Variants in PLEKHA5 observed in about 807,000 individuals in gnomAD.
PLEKHA5 encodes pleckstrin homology domain-containing family A member 5.
In PLEKHA5, 55 loss-of-function variants were observed where a neutral mutation model predicts 181.9. The ratio of observed to expected loss-of-function variants is 0.30; its 90% CI spans 0.24 to 0.38. PLEKHA5 has a LOEUF of 0.38. Among genes scored for constraint, PLEKHA5 ranks in the 10% least tolerant of loss-of-function variants. The pLI is 1.00. For missense variants in PLEKHA5, 1,432 were observed against 1,549.5 expected, an observed-to-expected ratio of 0.92 and a Z score of 1.27; for synonymous variants, 535 against 529.4, an observed-to-expected ratio of 1.01 and a Z score of -0.15.
At chr12:19,374,586 G>C (rs2095666577) in intron 31 of PLEKHA5, among the ~76,000 whole-genome samples, 1 of 151,788 alleles carries the variant, frequency 6.6e-6, no homozygotes, top group African/African-American at 2.4e-5. Context: ...TTGAACCCGG[G>C]AGGTGGAGGT....
intron 7 of PLEKHA5, among the ~76,000 whole-genome samples, chr12:19,262,928 A>C (rs1421482118): frequency 6.6e-6 from 1 of 152,186 alleles, no homozygotes; most frequent in East Asian, 1.9e-4. Context: ...GAGATTCCTT[A>C]TTATTAACCA....
chr12:19,289,436 G>C (rs1673021511), intron 13 of PLEKHA5, among the ~76,000 whole-genome samples: 1 of 152,164 alleles, frequency 6.6e-6, no homozygotes, highest in Non-Finnish European at 1.5e-5. Flanking sequence ...CTGTCGTGTA[G>C]GCAAAACAAA....
intron 3 of PLEKHA5, among the ~76,000 whole-genome samples, chr12:19,202,766 C>A (rs1368198016): frequency 6.6e-6 from 1 of 152,092 alleles, no homozygotes; most frequent in East Asian, 1.9e-4. Flanking sequence ...CTCTCATTCC[C>A]TCCCTTTGGT....
intron 3 of PLEKHA5, among the ~76,000 whole-genome samples, chr12:19,165,689 T>C (rs1188904196): frequency 6.6e-6 from 1 of 152,188 alleles, no homozygotes; most frequent in African/African-American, 2.4e-5. Context: ...GAAGTTTCTC[T>C]GTAGGATTCA....
At chr12:19,163,926 C>T (rs977784621) in intron 3 of PLEKHA5, among the ~76,000 whole-genome samples, 9 of 152,124 alleles carry the variant, frequency 5.9e-5, no homozygotes, top group Non-Finnish European at 1.2e-4. Context: ...CAACCAAACT[C>T]AGAATTTTCT....
chr12:19,137,045 CT>C (rs879741090), intron 3 of PLEKHA5, among the ~76,000 whole-genome samples: 199 of 147,612 alleles, frequency 1.3e-3, no homozygotes, highest in African/African-American at 3.6e-3. Flanking sequence ...TTATACTTTA[CT>C]TTTTTTTTTT....
chr12:19,287,192 C>T (rs779299003), intron 12 of PLEKHA5, among the ~76,000 whole-genome samples: 1 of 151,966 alleles, frequency 6.6e-6, no homozygotes, highest in Non-Finnish European at 1.5e-5. Context: ...AGAGAAAGGA[C>T]AGGGTTTCAC....
chr12:19,361,583 T>TA lies in PLEKHA5; in HGVS notation c.3493dup (p.Thr1165AsnfsTer2). On this transcript the variant is annotated frameshift_variant and splice_region_variant, in exon 29 of 32. Transcript: ENST00000429027. LOFTEE classifies it high-confidence loss of function. ...AAAATTTTTCTTTTTATTCTACAGT[T>TA]AAAAAAAACTGAAAACATTTCATAT... 1.2e-4 allele frequency: 179 copies of TA among 1,448,738 alleles called. No individual in the cohort carries two copies. The highest frequency in any genetic ancestry group is 1.8e-4 in the Middle Eastern group (1 of 5,570). The allele number at this position is 1,448,738 out of a possible 1,614,324, so 89.7% of individuals were successfully genotyped here. A position where few individuals can be genotyped will look rare whatever the true frequency, so the allele number is the denominator to read the frequency against.
rs372001417 is a variant in PLEKHA5, at chr12:19,321,406, C to G, written c.2217+782C>G. Among the ~76,000 whole-genome samples, 10 of 124,064 alleles carry G rather than the reference C, an allele frequency of 8.1e-5. No individual in the cohort carries two copies. The East Asian group carries it at 1.2e-3, about 15-fold the overall frequency. 81.4% of individuals were successfully genotyped at this position (124,064 alleles called of 152,430 possible). A position where few individuals can be genotyped will look rare whatever the true frequency, so the allele number is the denominator to read the frequency against. ...TGAGTCAGGGTCTCTCTCTGTCACC[C>G]GGGTTGGAGTGCAGTGTCATGATCT... On this transcript the variant is annotated intron_variant, in intron 18 of 31. Coordinates refer to ENST00000429027, the MANE Select transcript of PLEKHA5 (RefSeq NM_001256470.2).
intron 30 of PLEKHA5, among the ~76,000 whole-genome samples, chr12:19,369,325 A>C (rs1371071661): frequency 1.9e-5 from 2 of 106,616 alleles, no homozygotes; most frequent in Admixed American, 2.5e-4. Flanking sequence ...ATGAGCCACC[A>C]CGCCCAGCCA....
At chr12:19,245,404 T>C (rs1055289331) in intron 3 of PLEKHA5, among the ~76,000 whole-genome samples, 1 of 152,170 alleles carries the variant, frequency 6.6e-6, no homozygotes, top group East Asian at 1.9e-4. Flanking sequence ...TAGTCCCACT[T>C]ATTTTGCCGT....
At chr12:19,348,800 A>G (rs569868731) in intron 25 of PLEKHA5, among the ~76,000 whole-genome samples, 32 of 152,216 alleles carry the variant, frequency 2.1e-4, no homozygotes, top group Non-Finnish European at 3.7e-4. Flanking sequence ...AATAAATGCT[A>G]AAAATAAAAG....
intron 3 of PLEKHA5, among the ~76,000 whole-genome samples, chr12:19,161,889 G>T (rs1489384049): frequency 6.6e-6 from 1 of 152,098 alleles, no homozygotes; most frequent in African/African-American, 2.4e-5. Flanking sequence ...AAACAGAACT[G>T]CGAATATTCT....
At chr12:19,273,249 T>C (rs532085434) in intron 10 of PLEKHA5, among the ~76,000 whole-genome samples, 2 of 152,264 alleles carry the variant, frequency 1.3e-5, no homozygotes, top group South Asian at 2.1e-4. Context: ...TAGTCTATCT[T>C]AGTAAATTTT....
chr12:19,352,076 C>CAAAA lies in PLEKHA5; in HGVS notation c.3020-1790_3020-1787dup, dbSNP rs1188985121. ...GGGCAACAAGAGCGAAACTCCATCT[C>CAAAA]AAAAAAAAAAAAAAAAAAAAAGACT... On this transcript the variant is annotated intron_variant, in intron 25 of 31. Coordinates refer to ENST00000429027, the MANE Select transcript of PLEKHA5 (RefSeq NM_001256470.2). Among the ~76,000 whole-genome samples, 83 of 39,828 alleles carry CAAAA rather than the reference C, an allele frequency of 2.1e-3. 1 individual carries two copies. Among genetic ancestry groups the CAAAA allele is most frequent in the African/African-American group, 7.2e-3 (79 of 11,020 alleles). The allele number at this position is 39,828 out of a possible 152,430, so 26.1% of individuals were successfully genotyped here.
At position 19,358,401 on chromosome 12, in the gene PLEKHA5, T is replaced by G. The variant is rs1291438048; in HGVS notation, c.3312T>G (p.Pro1104=). The part of the protein sequence containing the change: ...GASDQSPLQS[P]SNLRDNPFRT... ...CAGACCAGTCACCCTTACAAAGCCC[T>G]TCAAATTTAAGGGATAATCCATTTA... The change falls in exon 27 of 32, where the codon CCT becomes CCG. Residue 1104 remains proline (P), a synonymous_variant. Transcript: ENST00000429027. 1 of 1,613,370 alleles carries G rather than the reference T, an allele frequency of 6.2e-7. No homozygotes were observed.
At chr12:19,261,894 A>C (rs1565534408) in intron 7 of PLEKHA5, among the ~76,000 whole-genome samples, 1 of 152,224 alleles carries the variant, frequency 6.6e-6, no homozygotes. Context: ...ATTAACCTTC[A>C]AAATTTGGAA....
intron 13 of PLEKHA5, among the ~76,000 whole-genome samples, chr12:19,289,767 A>G (rs977431641): frequency 3.3e-5 from 5 of 151,736 alleles, no homozygotes; most frequent in African/African-American, 4.8e-5. Flanking sequence ...GCCCATGGAA[A>G]CTCTCTTTTT....
chr12:19,226,511 A>T (rs539915390), intron 3 of PLEKHA5, among the ~76,000 whole-genome samples: 1 of 152,282 alleles, frequency 6.6e-6, no homozygotes, highest in African/African-American at 2.4e-5. Context: ...TTTTGAGCTA[A>T]ACTGTTTTCC....
Sources: gnomAD v4.1 joint callset for allele counts (sites outside exome capture counted in the v4.1 genomes callset) on GRCh38, gnomAD v4.1.1 for gene constraint, MANE v1.5 for transcripts, NCBI Gene and HGNC (gene_info 2026-07-23, HGNC 2026-07-21) for gene names.